The following LRRIQ1 variants were observed in gnomAD, a reference collection of about 807,000 sequenced individuals.
LRRIQ1 encodes leucine-rich repeat- and IQ domain-containing protein 1.
LRRIQ1 carries 210 observed loss-of-function variants against 211.9 expected under a neutral mutation model. The ratio of observed to expected loss-of-function variants is 0.99; its 90% CI spans 0.89 to 1.11. The LOEUF (loss-of-function observed/expected upper bound fraction) is 1.11. LRRIQ1 is among the 50% of genes most tolerant of loss of function. LRRIQ1 has a pLI of 0.00. For synonymous variants in LRRIQ1, 699 were observed against 650.1 expected (o/e 1.08, Z -1.14); for missense variants, 2,136 against 1,939.5 (o/e 1.10, Z -1.90).
chr12:85,175,400 G>C (rs1385874970), intron 24 of LRRIQ1, among the ~76,000 whole-genome samples: 1 of 152,102 alleles, frequency 6.6e-6, no homozygotes, highest in Non-Finnish European at 1.5e-5. Flanking sequence ...AAGTATATCA[G>C]ATCAACTCTA....
intron 24 of LRRIQ1, chr12:85,162,834 T>A (rs969940650): frequency 1.3e-5 from 6 of 455,536 alleles, no homozygotes; most frequent in Non-Finnish European, 2.6e-5. Context: ...TTTCACTGAA[T>A]GAGTTTTATG....
intron 24 of LRRIQ1, among the ~76,000 whole-genome samples, chr12:85,210,460 T>C (rs1893786672): frequency 1.3e-5 from 2 of 152,226 alleles, no homozygotes; most frequent in South Asian, 4.1e-4. Flanking sequence ...TCCATTTTTG[T>C]TTTCTCTTTT....
intron 7 of LRRIQ1, among the ~76,000 whole-genome samples, chr12:85,053,283 G>T (rs1880550682): frequency 6.6e-6 from 1 of 152,008 alleles, no homozygotes; most frequent in Non-Finnish European, 1.5e-5. Flanking sequence ...TGGTTAAAAA[G>T]ATTTCAAATT....
chr12:85,089,792 G>C (rs900624506), intron 11 of LRRIQ1, among the ~76,000 whole-genome samples: 2 of 152,218 alleles, frequency 1.3e-5, no homozygotes, highest in Non-Finnish European at 2.9e-5. Context: ...AGAATTTTCA[G>C]TCTGGCATAT....
chr12:85,176,815 A>G (rs954694972), intron 24 of LRRIQ1, among the ~76,000 whole-genome samples: 56 of 152,142 alleles, frequency 3.7e-4, no homozygotes, highest in African/African-American at 1.3e-3. Context: ...CATGGTAACA[A>G]TAACATTATG....
At chr12:85,261,067 GTC>G (rs1896271055) in intron 1 of LRRIQ1, among the ~76,000 whole-genome samples, 1 of 152,182 alleles carries the variant, frequency 6.6e-6, no homozygotes, top group South Asian at 2.1e-4. Flanking sequence ...TCAGTTGTTA[GTC>G]TCTCTACTGA....
intron 24 of LRRIQ1, among the ~76,000 whole-genome samples, chr12:85,171,757 C>T (rs1345974364): frequency 6.6e-6 from 1 of 152,128 alleles, no homozygotes; most frequent in African/African-American, 2.4e-5. Context: ...GAGGAAGAGA[C>T]ACCAGGAGTG....
chr12:85,074,044 T>G (rs1179669827), intron 11 of LRRIQ1, among the ~76,000 whole-genome samples: 1 of 152,080 alleles, frequency 6.6e-6, no homozygotes, highest in Non-Finnish European at 1.5e-5. Flanking sequence ...AATTTGTTTC[T>G]AATTCTTACT....
chr12:85,052,298 G>T (rs1236343507), intron 7 of LRRIQ1, 47 bp downstream of exon 7: 9 of 956,996 alleles, frequency 9.4e-6, no homozygotes, highest in African/African-American at 3.4e-5. Context: ...TTCTTTATTT[G>T]AAATACATTA....
At chr12:85,197,665 CTG>C in intron 24 of LRRIQ1, among the ~76,000 whole-genome samples, 1 of 151,498 alleles carries the variant, frequency 6.6e-6, no homozygotes, top group Non-Finnish European at 1.5e-5. Context: ...ATATCACACT[CTG>C]GGGACTGTTG....
intron 24 of LRRIQ1, among the ~76,000 whole-genome samples, chr12:85,197,933 T>TA (rs1257951787): frequency 9.2e-6 from 1 of 108,704 alleles, no homozygotes; most frequent in Non-Finnish European, 1.8e-5. Context: ...TATAATATAA[T>TA]TATATATATT....
chr12:85,174,701 C>CAAA lies in LRRIQ1; in HGVS notation c.4822+14007_4822+14009dup, dbSNP rs71076115. 1.1e-3 allele frequency among the ~76,000 whole-genome samples: 24 copies of CAAA among 21,570 alleles called. 1 individual carries two copies. Among genetic ancestry groups the CAAA allele is most frequent in the East Asian group, 5.8e-3 (7 of 1,198 alleles). The allele number at this position is 21,570 out of a possible 152,430, so 14.2% of individuals were successfully genotyped here. On this transcript the variant is annotated intron_variant, in intron 24 of 26. Transcript: ENST00000393217. ...TGGGTGACAGAGCAAGAGTACAGCT[C>CAAA]AAAAAAAAAAAAAAAAAAAAAATCT...
In LRRIQ1 at chr12:85,066,810, T is replaced by C; in HGVS notation, c.2607T>C (p.Asn869=). 1.3e-6 allele frequency: 2 copies of C among 1,599,560 alleles called. No individual in the cohort carries two copies. The highest frequency in any genetic ancestry group is 8.5e-7 in the Non-Finnish European group (1 of 1,171,858). ...AAAATCTCTGTGTTGTTCTTCTTAA[T>C]AAAAATCAACTGACTTCTCTTCATG... ...NLENLCVVLL[N]KNQLTSLHGL... The change falls in exon 10 of 27, where the codon AAT becomes AAC. Residue 869 remains asparagine (N), a synonymous_variant. Transcript: ENST00000393217.
At chr12:85,181,864 G>C (rs1490503221) in intron 24 of LRRIQ1, among the ~76,000 whole-genome samples, 2 of 151,778 alleles carry the variant, frequency 1.3e-5, no homozygotes, top group Non-Finnish European at 2.9e-5. Context: ...TAAATTGCTT[G>C]CCTTTTTATC....
chr12:85,184,632 T>A (rs755104018), intron 24 of LRRIQ1, among the ~76,000 whole-genome samples: 1 of 151,978 alleles, frequency 6.6e-6, no homozygotes, highest in African/African-American at 2.4e-5. Flanking sequence ...CCTTTGGCGA[T>A]TGGATTAAGG....
intron 3 of LRRIQ1, among the ~76,000 whole-genome samples, chr12:85,044,007 G>T (rs1879225950): frequency 6.6e-6 from 1 of 152,040 alleles, no homozygotes; most frequent in Non-Finnish European, 1.5e-5. Context: ...AAGGTATCTG[G>T]ATGATGTCAT....
intron 18 of LRRIQ1, 45 bp downstream of exon 18, chr12:85,128,078 G>A: frequency 7.5e-7 from 1 of 1,336,224 alleles, no homozygotes; most frequent in East Asian, 2.3e-5. Flanking sequence ...AGATATATTA[G>A]TTGTCTTTCA....
intron 25 of LRRIQ1, 47 bp from the exon 26 acceptor site, chr12:85,232,649 C>A (rs1204165258): frequency 6.1e-6 from 9 of 1,475,846 alleles, no homozygotes; most frequent in Non-Finnish European, 8.4e-6. Context: ...TATATGCTTC[C>A]TCTACATTTA....
chr12:85,257,321 C>T (rs915739936), intron 1 of LRRIQ1, among the ~76,000 whole-genome samples: 8 of 145,888 alleles, frequency 5.5e-5, no homozygotes, highest in Non-Finnish European at 1.1e-4. Context: ...TATTTGTAGA[C>T]GCTTTGTTGT....
Sources: gnomAD v4.1 joint callset for allele counts (sites outside exome capture counted in the v4.1 genomes callset) on GRCh38, gnomAD v4.1.1 for gene constraint, MANE v1.5 for transcripts, NCBI Gene and HGNC (gene_info 2026-07-23, HGNC 2026-07-21) for gene names.